RBFOX1: variants seen among roughly 807,000 people sequenced by gnomAD.
RBFOX1 encodes the protein RNA binding protein fox-1 homolog 1.
Under a neutral mutation model 57.7 loss-of-function variants are expected in RBFOX1, and 8 were observed. That is an observed-to-expected ratio of 0.14 (90% CI 0.08 to 0.25). The LOEUF is 0.25. Among genes scored for constraint, RBFOX1 ranks in the 10% least tolerant of loss-of-function variants. RBFOX1 has a pLI of 1.00. For synonymous variants in RBFOX1, 326 were observed against 222.4 expected, an observed-to-expected ratio of 1.47 and a Z score of -4.15; for missense variants, 611 against 548.5, an observed-to-expected ratio of 1.11 and a Z score of -1.14.
intron 4 of RBFOX1, among the ~76,000 whole-genome samples, chr16:7,123,004 A>C (rs1221749324): frequency 6.6e-6 from 1 of 151,448 alleles, no homozygotes; most frequent in Non-Finnish European, 1.5e-5. Flanking sequence ...AGAAAGCTGT[A>C]GGTTTGGGGA....
intron 3 of RBFOX1, among the ~76,000 whole-genome samples, chr16:7,047,731 T>C (rs1598014272): frequency 6.9e-6 from 1 of 144,712 alleles, no homozygotes; most frequent in Non-Finnish European, 1.5e-5. Context: ...TTTTTTTTTT[T>C]TTTTTTTTTT....
chr16:6,894,008 C>T (rs968801468), intron 3 of RBFOX1, among the ~76,000 whole-genome samples: 4 of 152,130 alleles, frequency 2.6e-5, no homozygotes, highest in Non-Finnish European at 2.9e-5. Flanking sequence ...ATGATGTCTT[C>T]TAATATCCCA....
intron 2 of RBFOX1, among the ~76,000 whole-genome samples, chr16:6,509,760 T>G (rs1168515304): frequency 6.6e-6 from 1 of 152,184 alleles, no homozygotes; most frequent in Non-Finnish European, 1.5e-5. Context: ...ATGTGATTAT[T>G]AAGCATTGCA....
At chr16:7,087,448 G>A (rs1567208448) in intron 4 of RBFOX1, among the ~76,000 whole-genome samples, 1 of 152,040 alleles carries the variant, frequency 6.6e-6, no homozygotes, top group East Asian at 1.9e-4. Context: ...GTGGCTGGCC[G>A]CCTAAAGTGT....
chr16:6,650,870 G>A (rs147697142), intron 2 of RBFOX1, among the ~76,000 whole-genome samples: 9 of 152,182 alleles, frequency 5.9e-5, no homozygotes, highest in Admixed American at 2.0e-4. Context: ...TAACCACAAT[G>A]GAGTCCCTAA....
At chr16:7,269,553 G>A (rs1035146504) in intron 4 of RBFOX1, among the ~76,000 whole-genome samples, 1 of 151,928 alleles carries the variant, frequency 6.6e-6, no homozygotes, top group South Asian at 2.1e-4. Flanking sequence ...TTTTTTACTT[G>A]GTATTAAAAT....
rs1205376310 is a variant in RBFOX1, at chr16:6,716,904, G to A, written c.-16+62254G>A. Among the ~76,000 whole-genome samples, 2 of 152,220 alleles carry A rather than the reference G, an allele frequency of 1.3e-5. 1 individual carries two copies. Among genetic ancestry groups the A allele is most frequent in the Admixed American group, 1.3e-4 (2 of 15,290 alleles). On this transcript the variant is annotated intron_variant, in intron 3 of 15. Coordinates refer to ENST00000550418, the MANE Select transcript of RBFOX1 (RefSeq NM_018723.4). ...ATACATGGAAATCCTAACTCCCAAT[G>A]TGATGGTATTAGGAGGTGGGGTCTT... is the stretch of plus-strand genomic sequence containing the variant.
intron 4 of RBFOX1, among the ~76,000 whole-genome samples, chr16:7,449,727 TGTG>T (rs2098836457): frequency 3.1e-5 from 2 of 65,078 alleles, no homozygotes; most frequent in African/African-American, 1.2e-4. Flanking sequence ...TGTGTGTGTG[TGTG>T]GGGGGGGGGG....
chr16:5,435,346 G>A (rs1187519125), intron 1 of RBFOX1, among the ~76,000 whole-genome samples: 9 of 152,132 alleles, frequency 5.9e-5, no homozygotes, highest in Admixed American at 4.6e-4. Context: ...GGATGTTTGT[G>A]GGGTGTGTGT....
chr16:6,158,666 C>T (rs2096855729), intron 1 of RBFOX1, among the ~76,000 whole-genome samples: 1 of 152,276 alleles, frequency 6.6e-6, no homozygotes, highest in South Asian at 2.1e-4. Flanking sequence ...GAGAAAAAGT[C>T]AGACAAAAGT....
intron 3 of RBFOX1, among the ~76,000 whole-genome samples, chr16:6,707,784 T>C (rs1226568279): frequency 6.6e-6 from 1 of 152,082 alleles, no homozygotes; most frequent in Non-Finnish European, 1.5e-5. Context: ...AAAGAGAAAG[T>C]TTATTAAATT....
chr16:6,455,199 G>A (rs1039113432), intron 2 of RBFOX1, among the ~76,000 whole-genome samples: 1 of 151,910 alleles, frequency 6.6e-6, no homozygotes, highest in Non-Finnish European at 1.5e-5. Context: ...GGCCTACCAG[G>A]TGTTTTTCTA....
At chr16:7,262,601 G>A (rs1278891893) in intron 4 of RBFOX1, among the ~76,000 whole-genome samples, 3 of 152,242 alleles carry the variant, frequency 2.0e-5, no homozygotes, top group African/African-American at 7.2e-5. Context: ...ATTCCCTGTG[G>A]CTGCTGCAGT....
chr16:5,581,401 G>A (rs1025046656), intron 2 of RBFOX1, among the ~76,000 whole-genome samples: 1 of 152,242 alleles, frequency 6.6e-6, no homozygotes, highest in African/African-American at 2.4e-5. Context: ...CAGTGGGGCT[G>A]TGCTTGGTTC....
At chr16:6,422,905 A>G (rs533472080) in intron 2 of RBFOX1, among the ~76,000 whole-genome samples, 1 of 152,320 alleles carries the variant, frequency 6.6e-6, no homozygotes, top group South Asian at 2.1e-4. Flanking sequence ...AGGTGAGAAT[A>G]TGCAGTATTC....
chr16:7,068,311 C>A (rs1334349202), intron 4 of RBFOX1, among the ~76,000 whole-genome samples: 1 of 152,112 alleles, frequency 6.6e-6, no homozygotes, highest in South Asian at 2.1e-4. Context: ...CATGTGTATT[C>A]AAACACTGCA....
At chr16:7,547,093 A>G (rs1866817675) in intron 5 of RBFOX1, among the ~76,000 whole-genome samples, 1 of 152,110 alleles carries the variant, frequency 6.6e-6, no homozygotes, top group Non-Finnish European at 1.5e-5. Flanking sequence ...AGTGATTTAA[A>G]ATGCCTGAAG....
intron 2 of RBFOX1, among the ~76,000 whole-genome samples, chr16:5,550,440 A>T (rs2151081468): frequency 6.6e-6 from 1 of 152,284 alleles, no homozygotes; most frequent in African/African-American, 2.4e-5. Flanking sequence ...TCCATCAGCC[A>T]CCAAAGAAGG....
At chr16:5,487,640 C>T (rs2042673432) in intron 2 of RBFOX1, among the ~76,000 whole-genome samples, 1 of 152,172 alleles carries the variant, frequency 6.6e-6, no homozygotes, top group Non-Finnish European at 1.5e-5. Flanking sequence ...CTTGAGACCA[C>T]AGAAGATGAA....
Sources: gnomAD v4.1 joint callset for allele counts (sites outside exome capture counted in the v4.1 genomes callset) on GRCh38, gnomAD v4.1.1 for gene constraint, MANE v1.5 for transcripts, NCBI Gene and HGNC (gene_info 2026-07-23, HGNC 2026-07-21) for gene names.